The following LRRC69 variants were observed in gnomAD, a reference collection of about 807,000 sequenced individuals.
The protein encoded by LRRC69 is leucine rich repeat containing 69.
LRRC69 carries 42 observed loss-of-function variants against 37.8 expected under a neutral mutation model. The ratio of observed to expected loss-of-function variants is 1.11; its 90% CI spans 0.87 to 1.44. The LOEUF (loss-of-function observed/expected upper bound fraction) is 1.44, where lower values mean the gene tolerates loss of function less well. Among genes scored for constraint, LRRC69 ranks in the 40% most tolerant of loss-of-function variants. The pLI is 0.00. For missense variants in LRRC69, 357 were observed against 401.9 expected (o/e 0.89, Z 0.96); for synonymous variants, 141 against 143.1 (o/e 0.99, Z 0.11).
intron 5 of LRRC69, among the ~76,000 whole-genome samples, chr8:91,172,255 A>T (rs1273181667): frequency 6.6e-6 from 1 of 151,964 alleles, no homozygotes; most frequent in East Asian, 1.9e-4. Context: ...ACCATTAGTT[A>T]TTCCCTTAGG....
Position 91,146,342 on chromosome 8 carries a change from A to G in LRRC69, c.651+10603A>G, listed in dbSNP as rs756977380. ...TGAGAGGCCAGAAGGACAGGATCAT[A>G]AAGTCAGAGAGCTGGAACTTCTGTG... On this transcript the variant is annotated intron_variant, in intron 5 of 7. Transcript: ENST00000448384. Among the ~76,000 whole-genome samples the G allele has an allele frequency of 1.8e-4, 28 of 151,882 alleles. 1 individual carries two copies. The highest frequency in any genetic ancestry group is 4.1e-4 in the Non-Finnish European group (28 of 67,960).
intron 5 of LRRC69, among the ~76,000 whole-genome samples, chr8:91,155,973 C>G (rs1808827841): frequency 1.3e-5 from 2 of 149,458 alleles, no homozygotes; most frequent in Admixed American, 1.3e-4. Flanking sequence ...ATTCCTTAAT[C>G]TTTTGCTGGA....
intron 5 of LRRC69, among the ~76,000 whole-genome samples, chr8:91,139,692 T>C (rs1808499109): frequency 6.6e-6 from 1 of 151,964 alleles, no homozygotes. Flanking sequence ...GACCTCTTCA[T>C]GTGTGTTTTT....
At chr8:91,218,076 T>C (rs1011914173) in intron 7 of LRRC69, among the ~76,000 whole-genome samples, 10 of 152,046 alleles carry the variant, frequency 6.6e-5, no homozygotes, top group Admixed American at 2.6e-4. Flanking sequence ...TGTGGAAGAG[T>C]GAACAGAACA....
In LRRC69 at chr8:91,176,134, A is replaced by ATATGTATTTTTT; in HGVS notation, c.652-13387_652-13386insATGTATTTTTTT. On this transcript the variant is annotated intron_variant, in intron 5 of 7. Coordinates refer to ENST00000448384, the Ensembl canonical transcript of LRRC69. ...ATCCCTCATATATATATATATATAT[A>ATATGTATTTTTT]TTTTTTTTTTTTCTTTTTTTTGAGA... Among the ~76,000 whole-genome samples, 3 of 75,708 alleles carry ATATGTATTTTTT rather than the reference A, an allele frequency of 4.0e-5. No individual in the cohort carries two copies. In the Admixed American group the frequency reaches 4.1e-4, roughly 10 times the overall value. 49.7% of individuals were successfully genotyped at this position (75,708 alleles called of 152,430 possible). A position where few individuals can be genotyped will look rare whatever the true frequency, so the allele number is the denominator to read the frequency against.
downstream of LRRC69, chr8:91,219,160 A>G (rs2130660590): frequency 5.0e-6 from 2 of 399,604 alleles, no homozygotes; most frequent in East Asian, 7.2e-5. Context: ...TCTAAGCACT[A>G]CAATCTGCCT....
intron 5 of LRRC69, among the ~76,000 whole-genome samples, chr8:91,150,992 CT>C (rs1350497565): frequency 6.6e-6 from 1 of 151,480 alleles, no homozygotes; most frequent in African/African-American, 2.4e-5. Flanking sequence ...CTTTATTAGT[CT>C]TGCTAGTGGT....
intron 5 of LRRC69, among the ~76,000 whole-genome samples, chr8:91,169,019 C>T (rs1251189939): frequency 6.6e-6 from 1 of 151,940 alleles, no homozygotes; most frequent in Non-Finnish European, 1.5e-5. Context: ...TGTCAGTTGA[C>T]ACTTCATCAA....
At chr8:91,186,544 TG>T (rs1287318238) in intron 5 of LRRC69, among the ~76,000 whole-genome samples, 1 of 152,168 alleles carries the variant, frequency 6.6e-6, no homozygotes, top group Non-Finnish European at 1.5e-5. Context: ...CTAGGATATA[TG>T]GTTGGAGAGT....
chr8:91,157,317 A>G, intron 5 of LRRC69: 1 of 1,608,526 alleles, frequency 6.2e-7, no homozygotes, highest in South Asian at 1.1e-5. Flanking sequence ...TGGCACCCAC[A>G]GAAACATTCA....
intron 6 of LRRC69, among the ~76,000 whole-genome samples, chr8:91,190,386 T>C (rs1192513658): frequency 6.6e-6 from 1 of 152,072 alleles, no homozygotes; most frequent in Non-Finnish European, 1.5e-5. Flanking sequence ...TTAAAAAGTT[T>C]CTTACTACAA....
intron 6 of LRRC69, among the ~76,000 whole-genome samples, chr8:91,193,801 C>G (rs1461698725): frequency 3.6e-5 from 5 of 138,464 alleles, no homozygotes; most frequent in African/African-American, 1.4e-4. Flanking sequence ...CAAACAGGGA[C>G]AATTTGACTT....
At chr8:91,147,316 C>T (rs1022333790) in intron 5 of LRRC69, among the ~76,000 whole-genome samples, 17 of 147,330 alleles carry the variant, frequency 1.2e-4, no homozygotes, top group South Asian at 2.1e-4. Context: ...TTTTGATTCA[C>T]GTTTACATGA....
chr8:91,150,074 A>G (rs1808703561), intron 5 of LRRC69, among the ~76,000 whole-genome samples: 1 of 151,858 alleles, frequency 6.6e-6, no homozygotes, highest in South Asian at 2.1e-4. Context: ...AATACCCTTT[A>G]TTTCCTTCTC....
chr8:91,149,706 CCTA>C (rs1304702067), intron 5 of LRRC69, among the ~76,000 whole-genome samples: 1 of 151,918 alleles, frequency 6.6e-6, no homozygotes, highest in Non-Finnish European at 1.5e-5. Flanking sequence ...ATTGATTCTT[CCTA>C]CCCATGAGCA....
At chr8:91,134,560 T>G (rs974468511) in intron 4 of LRRC69, among the ~76,000 whole-genome samples, 3 of 151,836 alleles carry the variant, frequency 2.0e-5, no homozygotes, top group African/African-American at 7.2e-5. Flanking sequence ...TCCCACCCCT[T>G]CTACTGACTC....
At chr8:91,130,657 G>A (rs536876632) in intron 3 of LRRC69, 3 of 152,090 alleles carry the variant, frequency 2.0e-5, no homozygotes, top group African/African-American at 7.2e-5. Flanking sequence ...GTACATTTGG[G>A]TTATTTCCAG....
intron 5 of LRRC69, among the ~76,000 whole-genome samples, chr8:91,167,972 A>G (rs1809058412): frequency 6.6e-6 from 1 of 151,956 alleles, no homozygotes; most frequent in Non-Finnish European, 1.5e-5. Context: ...TAATATATGT[A>G]TTCGATATAC....
chr8:91,177,374 T>C (rs1809250326), intron 5 of LRRC69, among the ~76,000 whole-genome samples: 1 of 152,194 alleles, frequency 6.6e-6, no homozygotes, highest in African/African-American at 2.4e-5. Context: ...CTCATCTGAT[T>C]CTTAGATATG....
Sources: allele counts gnomAD v4.1 joint callset (sites outside exome capture counted in the v4.1 genomes callset), GRCh38; gene constraint gnomAD v4.1.1; transcripts MANE v1.5; gene names NCBI Gene and HGNC (gene_info 2026-07-23, HGNC 2026-07-21).